HOMER2: variants seen among roughly 807,000 people sequenced by gnomAD.
HOMER2 encodes homer protein homolog 2.
HOMER2 carries 27 observed loss-of-function variants against 47.0 expected under a neutral mutation model. That is an observed-to-expected ratio of 0.57 (90% CI 0.42 to 0.79). The LOEUF is 0.79. Among genes scored for constraint, HOMER2 ranks in the 30% least tolerant of loss-of-function variants. HOMER2 has a pLI of 0.00. For missense variants in HOMER2, 443 were observed against 435.0 expected (o/e 1.02, Z -0.16); for synonymous variants, 161 against 163.8 (o/e 0.98, Z 0.13).
chr15:82,909,251 C>T (rs2053382519), intron 1 of HOMER2, among the ~76,000 whole-genome samples: 1 of 152,124 alleles, frequency 6.6e-6, no homozygotes, highest in South Asian at 2.1e-4. Context: ...GTTTTCTCAG[C>T]AAGGCAATTT....
chr15:82,889,509 A>G (rs1051884085), intron 2 of HOMER2, among the ~76,000 whole-genome samples: 1 of 152,228 alleles, frequency 6.6e-6, no homozygotes, highest in Non-Finnish European at 1.5e-5. Flanking sequence ...GCCCATAAGG[A>G]GAAGGCACTG....
At chr15:82,948,133 T>C (rs1359466355) in intron 1 of HOMER2, among the ~76,000 whole-genome samples, 1 of 151,570 alleles carries the variant, frequency 6.6e-6, no homozygotes, top group Non-Finnish European at 1.5e-5. Flanking sequence ...GGCTGATGCC[T>C]GTAATCCCAG....
chr15:82,854,142 C>T (rs1567013558), intron 6 of HOMER2, among the ~76,000 whole-genome samples: 1 of 152,202 alleles, frequency 6.6e-6, no homozygotes, highest in Non-Finnish European at 1.5e-5. Flanking sequence ...CAGTGGTTCA[C>T]GCCTGTAATC....
upstream of HOMER2, among the ~76,000 whole-genome samples, chr15:82,954,802 CAG>C (rs1197280881): frequency 2.0e-5 from 3 of 152,066 alleles, no homozygotes; most frequent in Non-Finnish European, 4.4e-5. Flanking sequence ...GTTGTTGAGA[CAG>C]AGTGTTGCTC....
chr15:82,859,751 A>ATCT (rs1486891736), intron 4 of HOMER2, among the ~76,000 whole-genome samples: 2 of 152,186 alleles, frequency 1.3e-5, no homozygotes, highest in Non-Finnish European at 2.9e-5. Flanking sequence ...GTGAAATCTC[A>ATCT]TCTGGTGCTA....
intron 1 of HOMER2, 114 bp from the exon 2 acceptor site, chr15:82,892,955 C>A: frequency 1.3e-6 from 1 of 746,698 alleles, no homozygotes; most frequent in Non-Finnish European, 2.0e-6. Context: ...GGGAAACATA[C>A]ATATGCATGA....
At chr15:82,890,250 G>A (rs767468465) in intron 2 of HOMER2, among the ~76,000 whole-genome samples, 52 of 152,298 alleles carry the variant, frequency 3.4e-4, no homozygotes, top group Non-Finnish European at 6.6e-4. Context: ...GCTGAGGTGG[G>A]AGAATCGCTT....
rs183748364 is a variant in HOMER2 at position 82,903,257 on chromosome 15, G to A, written c.6-10416C>T. 1.6e-3 allele frequency among the ~76,000 whole-genome samples: 240 copies of A among 152,236 alleles called. 3 individuals carry two copies. Among genetic ancestry groups the A allele is most frequent in the Admixed American group, 0.013 (196 of 15,280 alleles). On this transcript the variant is annotated intron_variant, in intron 1 of 8. Coordinates refer to ENST00000450735, the MANE Select transcript of HOMER2 (RefSeq NM_004839.4). The stretch of plus-strand genomic sequence containing the variant: ...TGGGTTCCTGAGATTTCAAAATGGC[G>A]TCGGGAGCATTTCCAGTTTCCAGTT...
intron 2 of HOMER2, among the ~76,000 whole-genome samples, chr15:82,880,222 A>G (rs2052477097): frequency 6.6e-6 from 1 of 152,234 alleles, no homozygotes. Flanking sequence ...TCTGGCTACA[A>G]AAGAGTCAAA....
At chr15:82,949,722 G>C (rs2054464214) in intron 1 of HOMER2, among the ~76,000 whole-genome samples, 1 of 152,178 alleles carries the variant, frequency 6.6e-6, no homozygotes, top group African/African-American at 2.4e-5. Flanking sequence ...AGCAACTAAA[G>C]CTATGCTATC....
chr15:82,951,313 C>T (rs906329073), intron 1 of HOMER2, among the ~76,000 whole-genome samples: 13 of 152,208 alleles, frequency 8.5e-5, no homozygotes, highest in African/African-American at 3.1e-4. Flanking sequence ...CACTTCCATT[C>T]CTCAAAATTC....
chr15:82,931,368 T>C (rs1353213256), intron 1 of HOMER2, among the ~76,000 whole-genome samples: 1 of 152,154 alleles, frequency 6.6e-6, no homozygotes, highest in Non-Finnish European at 1.5e-5. Flanking sequence ...AGGCATTGTT[T>C]CCTTCTCAAG....
chr15:82,979,008 T>C (rs1391719463), intron 1 of HOMER2, among the ~76,000 whole-genome samples: 1 of 152,172 alleles, frequency 6.6e-6, no homozygotes, highest in Non-Finnish European at 1.5e-5. Context: ...CGTAAGCCAC[T>C]GCACCTGGCC....
At position 82,979,128 on chromosome 15, in the gene HOMER2, T is replaced by C. The variant is rs964269523; in HGVS notation, n.82+6659A>G. On this transcript the variant is annotated intron_variant and non_coding_transcript_variant, in intron 1 of 1. Transcript: ENST00000500334. ...TTTGCTTCCCTTTCTGCCATAATTGTAAGTTTCCTGAGGCCTCCCCAGCCG... is the reference window on the plus strand; with the variant it reads ...TTTGCTTCCCTTTCTGCCATAATTGCAAGTTTCCTGAGGCCTCCCCAGCCG... Among the ~76,000 whole-genome samples, 4 of 152,254 alleles carry C rather than the reference T, an allele frequency of 2.6e-5. 1 individual carries two copies. Among genetic ancestry groups the C allele is most frequent in the Non-Finnish European group, 5.9e-5 (4 of 68,042 alleles).
At chr15:82,843,559 G>T (rs1210307686) in exon 2 of HOMER2, 1 of 139,750 alleles carries the variant, frequency 7.2e-6, no homozygotes, top group Non-Finnish European at 1.5e-5. Context: ...TTGACTAAAA[G>T]GTGTTTTTTT....
chr15:82,977,988 A>G (rs2030264041), intron 1 of HOMER2, among the ~76,000 whole-genome samples: 1 of 152,278 alleles, frequency 6.6e-6, no homozygotes, highest in African/African-American at 2.4e-5. Context: ...CGTCTCTACT[A>G]AAAATACAAA....
At position 82,952,567 on chromosome 15, in the gene HOMER2, G is replaced by C. The variant is rs904963008; in HGVS notation, c.-32C>G. 8.6e-6 allele frequency: 10 copies of C among 1,168,242 alleles called. No homozygotes were observed. In the African/African-American group the frequency reaches 1.1e-4, roughly 13 times the overall value. The allele number at this position is 1,168,242 out of a possible 1,614,324, so 72.4% of individuals were successfully genotyped here. ...CGCTGCTCCGGCGGCCGCTCCGACG[G>C]GGCCTCTCGCGCTCGCTCTCCGCCC... On this transcript the variant is annotated 5_prime_UTR_variant, in exon 1 of 9. Coordinates refer to ENST00000450735, the MANE Select transcript of HOMER2 (RefSeq NM_004839.4).
At chr15:82,936,077 C>T (rs1192509506) in intron 1 of HOMER2, among the ~76,000 whole-genome samples, 1 of 152,250 alleles carries the variant, frequency 6.6e-6, no homozygotes, top group Non-Finnish European at 1.5e-5. Context: ...GCCCTCCCCT[C>T]ACTTGCTGCA....
chr15:82,983,169 G>A lies in HOMER2; in HGVS notation n.82+2618C>T, dbSNP rs529556984. Among the ~76,000 whole-genome samples the A allele has an allele frequency of 3.2e-4, 48 of 152,226 alleles. 1 individual carries two copies. The highest frequency in any genetic ancestry group is 6.8e-3 in the Middle Eastern group (2 of 294). On this transcript the variant is annotated intron_variant and non_coding_transcript_variant, in intron 1 of 1. Transcript: ENST00000500334. ...AAAGCTTATTTTATAATAAAATGTT[G>A]AATATCTCATATAATTTATTGACTA...
Sources: allele counts gnomAD v4.1 joint callset (sites outside exome capture counted in the v4.1 genomes callset), GRCh38; gene constraint gnomAD v4.1.1; transcripts MANE v1.5; gene names NCBI Gene and HGNC (gene_info 2026-07-23, HGNC 2026-07-21).